The following ANKS1B variants were observed in gnomAD, a reference collection of about 807,000 sequenced individuals.
ANKS1B encodes ankyrin repeat and sterile alpha motif domain-containing protein 1B.
Under a neutral mutation model 148.3 loss-of-function variants are expected in ANKS1B, and 36 were observed. That is an observed-to-expected ratio of 0.24 (90% confidence interval 0.19 to 0.32). The LOEUF (loss-of-function observed/expected upper bound fraction) is 0.32. Ranked by LOEUF, ANKS1B falls within the 10% of genes least tolerant of loss-of-function variation. The pLI is 1.00. For synonymous variants in ANKS1B, 542 were observed against 560.8 expected, an observed-to-expected ratio of 0.97 and a Z score of 0.47; for missense variants, 1,157 against 1,542.6, an observed-to-expected ratio of 0.75 and a Z score of 4.19.
At chr12:99,742,446 G>T (rs2060208396) in intron 8 of ANKS1B, among the ~76,000 whole-genome samples, 1 of 151,976 alleles carries the variant, frequency 6.6e-6, no homozygotes, top group Admixed American at 6.5e-5. Flanking sequence ...ACATAACAAA[G>T]ACTGGTATGG....
intron 26 of ANKS1B, among the ~76,000 whole-genome samples, chr12:98,748,683 T>G (rs2097970508): frequency 6.6e-6 from 1 of 152,240 alleles, no homozygotes; most frequent in Admixed American, 6.5e-5. Context: ...ACTAGAATAC[T>G]AATGCCTGTC....
chr12:99,030,537 A>C (rs373261969), intron 17 of ANKS1B, among the ~76,000 whole-genome samples: 2 of 151,638 alleles, frequency 1.3e-5, no homozygotes, highest in African/African-American at 4.8e-5. Context: ...AAGCACATGC[A>C]GTACGGTACC....
chr12:98,900,997 A>G (rs555442967), intron 17 of ANKS1B, among the ~76,000 whole-genome samples: 1 of 152,282 alleles, frequency 6.6e-6, no homozygotes, highest in East Asian at 1.9e-4. Context: ...CTCTCACAGT[A>G]ACTTTGCTTC....
intron 10 of ANKS1B, among the ~76,000 whole-genome samples, chr12:99,482,784 T>C (rs747064711): frequency 2.0e-5 from 3 of 151,934 alleles, no homozygotes; most frequent in Admixed American, 1.3e-4. Context: ...GTAAAAGGGA[T>C]TGAGTTATTG....
At chr12:99,123,175 G>A (rs964054367) in intron 15 of ANKS1B, among the ~76,000 whole-genome samples, 14 of 152,028 alleles carry the variant, frequency 9.2e-5, no homozygotes, top group African/African-American at 3.1e-4. Flanking sequence ...TAATATACAT[G>A]TAGAAATACA....
chr12:99,594,924 C>T (rs2097742874), intron 9 of ANKS1B, among the ~76,000 whole-genome samples: 1 of 151,850 alleles, frequency 6.6e-6, no homozygotes, highest in South Asian at 2.1e-4. Flanking sequence ...CCTAAAACTA[C>T]AGAGTAAATA....
chr12:99,499,039 A>G (rs753310719), intron 10 of ANKS1B, among the ~76,000 whole-genome samples: 2 of 152,204 alleles, frequency 1.3e-5, no homozygotes, highest in Non-Finnish European at 2.9e-5. Context: ...GAAAAAATGC[A>G]AACTATTTCC....
At chr12:99,232,468 T>C (rs1312346309) in intron 14 of ANKS1B, among the ~76,000 whole-genome samples, 3 of 152,224 alleles carry the variant, frequency 2.0e-5, no homozygotes, top group Non-Finnish European at 2.9e-5. Flanking sequence ...ACCCTTGTAT[T>C]GTGAAGCCTG....
chr12:99,559,731 G>A (rs1307924432), intron 9 of ANKS1B, among the ~76,000 whole-genome samples: 1 of 152,110 alleles, frequency 6.6e-6, no homozygotes, highest in Non-Finnish European at 1.5e-5. Context: ...AATAACAAAA[G>A]TCAGATATTT....
At chr12:99,456,783 T>C (rs2095854765) in intron 10 of ANKS1B, among the ~76,000 whole-genome samples, 1 of 152,072 alleles carries the variant, frequency 6.6e-6, no homozygotes, top group African/African-American at 2.4e-5. Context: ...TATTAAATGA[T>C]CAAACCTAAA....
chr12:99,632,727 C>CTATATATATATATATA lies in ANKS1B; in HGVS notation c.1272+22324_1272+22339dup, dbSNP rs3081654. ...TTTGGCCTGTGTCTTCCTTTTCTTT[C>CTATATATATATATATA]TATATATATATATATATATATATAT... On this transcript the variant is annotated intron_variant, in intron 9 of 26. Coordinates refer to ENST00000683438, the MANE Select transcript of ANKS1B (RefSeq NM_001352186.2). Among the ~76,000 whole-genome samples, 323 of 38,854 alleles carry CTATATATATATATATA rather than the reference C, an allele frequency of 8.3e-3. 11 individuals carry two copies. Among genetic ancestry groups the CTATATATATATATATA allele is most frequent in the Non-Finnish European group, 0.012 (206 of 17,738 alleles). 25.5% of individuals were successfully genotyped at this position (38,854 alleles called of 152,430 possible).
intron 25 of ANKS1B, among the ~76,000 whole-genome samples, chr12:98,759,788 C>G (rs1229839446): frequency 6.6e-6 from 1 of 151,976 alleles, no homozygotes; most frequent in African/African-American, 2.4e-5. Context: ...AAGACCACCC[C>G]GGGCAACATG....
chr12:99,819,669 T>C (rs2153676330), intron 2 of ANKS1B, among the ~76,000 whole-genome samples: 1 of 151,870 alleles, frequency 6.6e-6, no homozygotes, highest in South Asian at 2.1e-4. Context: ...TATAGTTTAA[T>C]AACATTAAAC....
chr12:99,109,824 C>G (rs1057055069), intron 15 of ANKS1B, among the ~76,000 whole-genome samples: 5 of 152,148 alleles, frequency 3.3e-5, no homozygotes, highest in African/African-American at 1.2e-4. Context: ...CCATCTACAG[C>G]CTCTTACAGT....
Position 99,896,186 on chromosome 12 carries a change from C to T in ANKS1B, c.135-70797G>A, listed in dbSNP as rs187842808. Among the ~76,000 whole-genome samples, 9 of 151,176 alleles carry T rather than the reference C, an allele frequency of 6.0e-5. 1 individual carries two copies. The highest frequency in any genetic ancestry group is 2.1e-4 in the South Asian group (1 of 4,774). ...GCTATACAGTAAATCTCTGTGCTTACGTGTCCTACATAACTGAAATTTTAT... is the reference window on the plus strand; with the variant it reads ...GCTATACAGTAAATCTCTGTGCTTATGTGTCCTACATAACTGAAATTTTAT... On this transcript the variant is annotated intron_variant, in intron 1 of 26. Transcript: ENST00000683438.
At chr12:99,392,895 TGAATATCCAACA>T (rs1289644043) in intron 12 of ANKS1B, among the ~76,000 whole-genome samples, 1 of 150,794 alleles carries the variant, frequency 6.6e-6, no homozygotes, top group African/African-American at 2.4e-5. Flanking sequence ...CATATCTACT[TGAATATCCAACA>T]GATTTTCAAA....
chr12:99,928,440 G>A (rs891582818), intron 1 of ANKS1B, among the ~76,000 whole-genome samples: 6 of 150,494 alleles, frequency 4.0e-5, no homozygotes, highest in Non-Finnish European at 7.4e-5. Flanking sequence ...CACCGCGCCC[G>A]GCTAATTTTT....
chr12:99,294,104 G>A (rs2080471130), intron 12 of ANKS1B, among the ~76,000 whole-genome samples: 1 of 152,118 alleles, frequency 6.6e-6, no homozygotes, highest in Admixed American at 6.6e-5. Context: ...CAGGACTATG[G>A]AGAAAAATAT....
intron 9 of ANKS1B, among the ~76,000 whole-genome samples, chr12:99,534,912 T>C (rs1403186702): frequency 6.6e-6 from 1 of 151,982 alleles, no homozygotes; most frequent in Non-Finnish European, 1.5e-5. Context: ...GGTTTCACCA[T>C]GTTAGCCAGG....
Sources: allele counts gnomAD v4.1 joint callset (sites outside exome capture counted in the v4.1 genomes callset), GRCh38; gene constraint gnomAD v4.1.1; transcripts MANE v1.5; gene names NCBI Gene and HGNC (gene_info 2026-07-23, HGNC 2026-07-21).